The following PAK5 variants were observed in gnomAD, a reference collection of about 807,000 sequenced individuals.
The protein encoded by PAK5 is serine/threonine-protein kinase PAK 5.
A neutral mutation model predicts 65.9 loss-of-function variants in PAK5; 16 were observed. The observed-to-expected ratio is 0.24, with a 90% CI of 0.16 to 0.37. The LOEUF (loss-of-function observed/expected upper bound fraction) is 0.37, where lower values mean the gene tolerates loss of function less well. Among genes scored for constraint, PAK5 ranks in the 10% least tolerant of loss-of-function variants. The probability of loss-of-function intolerance (pLI) is 1.00; values close to 1 mark genes in which losing one functional copy is unlikely to be tolerated. For synonymous variants in PAK5, 371 were observed against 354.9 expected (o/e 1.05, Z -0.51); for missense variants, 785 against 903.9 (o/e 0.87, Z 1.69).
At chr20:9,657,935 G>A (rs2047291609) in intron 2 of PAK5, among the ~76,000 whole-genome samples, 1 of 152,150 alleles carries the variant, frequency 6.6e-6, no homozygotes, top group Admixed American at 6.5e-5. Flanking sequence ...GATAGTCCCA[G>A]ATTCTCCAGA....
intron 2 of PAK5, among the ~76,000 whole-genome samples, chr20:9,671,372 C>A (rs1185370094): frequency 6.6e-6 from 1 of 152,090 alleles, no homozygotes; most frequent in African/African-American, 2.4e-5. Context: ...GGCAGTATGG[C>A]CATTTTCACG....
intron 6 of PAK5, 40 bp downstream of exon 6, chr20:9,562,851 A>T: frequency 6.3e-7 from 1 of 1,586,854 alleles, no homozygotes; most frequent in Non-Finnish European, 8.6e-7. Context: ...GGAGAAGAAT[A>T]AGAAGCACCT....
Position 9,832,654 on chromosome 20 carries a change from T to C in PAK5, c.-162+6108A>G, listed in dbSNP as rs191298989. Among the ~76,000 whole-genome samples, 19 of 152,360 alleles carry C rather than the reference T, an allele frequency of 1.2e-4. No homozygotes were observed. In the East Asian group the frequency reaches 3.7e-3, roughly 29 times the overall value. On this transcript the variant is annotated intron_variant, in intron 1 of 9. Coordinates refer to ENST00000353224, the MANE Select transcript of PAK5 (RefSeq NM_177990.4). ...TCCCACCACAAGTAATGAAAGAGAT[T>C]GTCCTTCTCACTGCATCCTTGCCAG...
At chr20:9,707,597 A>C (rs1455879200) in intron 2 of PAK5, among the ~76,000 whole-genome samples, 1 of 152,074 alleles carries the variant, frequency 6.6e-6, no homozygotes, top group Non-Finnish European at 1.5e-5. Flanking sequence ...ACATCCCTTA[A>C]ATCTGAGATA....
At chr20:9,590,613 C>T (rs1423259164) in intron 3 of PAK5, among the ~76,000 whole-genome samples, 4 of 127,508 alleles carry the variant, frequency 3.1e-5, no homozygotes, top group African/African-American at 1.5e-4. Flanking sequence ...GATTCATGGG[C>T]TGTGCCAAAA....
intron 2 of PAK5, among the ~76,000 whole-genome samples, chr20:9,666,344 G>A (rs1450438395): frequency 1.6e-5 from 2 of 127,056 alleles, no homozygotes; most frequent in East Asian, 2.7e-4. Flanking sequence ...ATAACAGAAA[G>A]AATGAAAGGT....
intron 3 of PAK5, among the ~76,000 whole-genome samples, chr20:9,609,269 A>G (rs528199887): frequency 2.0e-5 from 3 of 152,342 alleles, no homozygotes; most frequent in African/African-American, 7.2e-5. Context: ...GTAGAGTCAC[A>G]GCCAAGAGAA....
intron 2 of PAK5, among the ~76,000 whole-genome samples, chr20:9,645,055 T>C (rs774801170): frequency 6.6e-6 from 1 of 152,162 alleles, no homozygotes; most frequent in Non-Finnish European, 1.5e-5. Flanking sequence ...CAAGTAAATA[T>C]TTACAAAGCA....
chr20:9,756,954 A>C (rs1444548112), intron 1 of PAK5, among the ~76,000 whole-genome samples: 1 of 152,194 alleles, frequency 6.6e-6, no homozygotes, highest in Admixed American at 6.5e-5. Context: ...TGGCAGAAAG[A>C]GAGCTACTGG....
At chr20:9,766,862 A>G (rs1177060586) in intron 1 of PAK5, among the ~76,000 whole-genome samples, 1 of 152,064 alleles carries the variant, frequency 6.6e-6, no homozygotes, top group Non-Finnish European at 1.5e-5. Context: ...GTGAAAACAT[A>G]TCAAGCTATA....
At chr20:9,677,034 A>AG (rs1399386814) in intron 2 of PAK5, among the ~76,000 whole-genome samples, 3 of 137,588 alleles carry the variant, frequency 2.2e-5, no homozygotes, top group Non-Finnish European at 4.6e-5. Flanking sequence ...AATCAAAATC[A>AG]GGGTATGTGC....
intron 2 of PAK5, among the ~76,000 whole-genome samples, chr20:9,671,889 C>G (rs2047503526): frequency 2.0e-5 from 3 of 152,084 alleles, no homozygotes; most frequent in Admixed American, 2.0e-4. Context: ...TTTGTCCATT[C>G]AGTAAAAGGT....
intron 3 of PAK5, among the ~76,000 whole-genome samples, chr20:9,622,864 T>C (rs908611023): frequency 2.6e-5 from 4 of 152,208 alleles, no homozygotes; most frequent in African/African-American, 9.6e-5. Context: ...ACTGCTGTGT[T>C]AAGCAACACA....
chr20:9,681,947 T>C (rs2047655205), intron 2 of PAK5, among the ~76,000 whole-genome samples: 1 of 152,232 alleles, frequency 6.6e-6, no homozygotes, highest in African/African-American at 2.4e-5. Context: ...TTAGGTTTCC[T>C]TCCAGAACCT....
chr20:9,607,347 T>C (rs1323008551), intron 3 of PAK5, among the ~76,000 whole-genome samples: 1 of 152,184 alleles, frequency 6.6e-6, no homozygotes, highest in Non-Finnish European at 1.5e-5. Context: ...CCAAGGCCAA[T>C]ATAAAGAAAG....
chr20:9,563,661 T>C (rs563619545), intron 5 of PAK5, among the ~76,000 whole-genome samples: 1 of 152,328 alleles, frequency 6.6e-6, no homozygotes, highest in South Asian at 2.1e-4. Context: ...CCTGTGGCTG[T>C]TTCCACTCGA....
intron 2 of PAK5, among the ~76,000 whole-genome samples, chr20:9,665,085 G>GGTTTTTTTTT (rs1555910638): frequency 1.0e-5 from 1 of 98,890 alleles, no homozygotes; most frequent in Non-Finnish European, 1.9e-5. Context: ...AAATTTTTCT[G>GGTTTTTTTTT]TTTTTTTTTT....
At chr20:9,629,925 A>G (rs1196730712) in intron 3 of PAK5, among the ~76,000 whole-genome samples, 1 of 152,228 alleles carries the variant, frequency 6.6e-6, no homozygotes, top group Non-Finnish European at 1.5e-5. Flanking sequence ...GTGAAGGCTC[A>G]GAAGTGAGGA....
chr20:9,635,151 T>C (rs976058136), intron 3 of PAK5, among the ~76,000 whole-genome samples: 5 of 152,194 alleles, frequency 3.3e-5, no homozygotes, highest in Non-Finnish European at 5.9e-5. Context: ...TTTAAGAAGG[T>C]TTGAATTTTT....
Sources: gnomAD v4.1 joint callset for allele counts (sites outside exome capture counted in the v4.1 genomes callset) on GRCh38, gnomAD v4.1.1 for gene constraint, MANE v1.5 for transcripts, NCBI Gene and HGNC (gene_info 2026-07-23, HGNC 2026-07-21) for gene names.